Variants in CNOT6 observed in about 807,000 individuals in gnomAD.
CNOT6 encodes the protein carbon catabolite repression 4 protein.
A neutral mutation model predicts 61.2 loss-of-function variants in CNOT6; 12 were observed. That is an observed-to-expected ratio of 0.20 (90% CI 0.13 to 0.32). CNOT6 has a LOEUF of 0.32. Ranked by LOEUF, CNOT6 falls within the 10% of genes least tolerant of loss-of-function variation. The probability of loss-of-function intolerance (pLI) is 1.00; values close to 1 mark genes in which losing one functional copy is unlikely to be tolerated. For missense variants in CNOT6, 405 were observed against 663.9 expected (o/e 0.61, Z 4.28); for synonymous variants, 225 against 240.6 (o/e 0.94, Z 0.60).
intron 8 of CNOT6, 57 bp from the exon 9 acceptor site, chr5:180,567,792 C>T: frequency 6.2e-7 from 1 of 1,612,146 alleles, no homozygotes; most frequent in Non-Finnish European, 8.5e-7. Flanking sequence ...TCCCACAAAG[C>T]TAACCTCTTG....
At chr5:180,511,832 G>A (rs1333682289) in intron 1 of CNOT6, among the ~76,000 whole-genome samples, 2 of 152,104 alleles carry the variant, frequency 1.3e-5, no homozygotes, top group African/African-American at 2.4e-5. Flanking sequence ...CTGTTGCCCA[G>A]GCTGGCCTTG....
Position 180,514,132 on chromosome 5 carries a change from C to T in CNOT6, c.-2-15143C>T, listed in dbSNP as rs1296228137. On this transcript the variant is annotated intron_variant, in intron 1 of 11. Transcript: ENST00000261951. ...TTTGAGCCACACCATATGGCTGAAACTTCTCGATTTTATAGTCAGAAGTCA... is the reference window on the plus strand; with the variant it reads ...TTTGAGCCACACCATATGGCTGAAATTTCTCGATTTTATAGTCAGAAGTCA... 9.2e-5 allele frequency among the ~76,000 whole-genome samples: 14 copies of T among 151,640 alleles called. No individual in the cohort carries two copies. The East Asian group carries it at 2.8e-3, about 30-fold the overall frequency.
chr5:180,517,346 C>T (rs571127065), intron 1 of CNOT6, among the ~76,000 whole-genome samples: 1 of 152,004 alleles, frequency 6.6e-6, no homozygotes, highest in Non-Finnish European at 1.5e-5. Context: ...CCAGGCTGAT[C>T]TTGAATTCGT....
intron 1 of CNOT6, among the ~76,000 whole-genome samples, chr5:180,522,287 T>G (rs569232524): frequency 6.6e-6 from 1 of 150,858 alleles, no homozygotes; most frequent in East Asian, 1.9e-4. Flanking sequence ...ATTTTTGTAT[T>G]TTTTTTTTGT....
At chr5:180,516,401 C>G (rs1315044836) in intron 1 of CNOT6, among the ~76,000 whole-genome samples, 1 of 151,968 alleles carries the variant, frequency 6.6e-6, no homozygotes, top group East Asian at 1.9e-4. Flanking sequence ...AGGATGGTCT[C>G]GATCTCCCAA....
At chr5:180,553,346 A>T in intron 3 of CNOT6, 40 bp from the exon 4 acceptor site, 1 of 1,390,796 alleles carries the variant, frequency 7.2e-7, no homozygotes, top group Non-Finnish European at 1.0e-6. Context: ...GTTAAAGGCT[A>T]ACATATTTTT....
chr5:180,541,803 G>C (rs1759062147), intron 2 of CNOT6, among the ~76,000 whole-genome samples: 1 of 150,048 alleles, frequency 6.7e-6, no homozygotes, highest in Admixed American at 6.7e-5. Flanking sequence ...ATGGAGTCTT[G>C]CTCTGTCCCC....
At chr5:180,553,246 G>C (rs970667407) in intron 3 of CNOT6, 140 bp from the exon 4 acceptor site, 10 of 329,680 alleles carry the variant, frequency 3.0e-5, no homozygotes, top group African/African-American at 1.9e-4. Flanking sequence ...TGTTATTTAA[G>C]AAACGCAGTA....
At chr5:180,538,430 A>C (rs1488713491) in intron 2 of CNOT6, among the ~76,000 whole-genome samples, 1 of 150,740 alleles carries the variant, frequency 6.6e-6, no homozygotes, top group Non-Finnish European at 1.5e-5. Context: ...TCACGCCTGT[A>C]ATCCTAGCAC....
At chr5:180,533,993 A>G (rs1289886115) in intron 2 of CNOT6, among the ~76,000 whole-genome samples, 1 of 152,106 alleles carries the variant, frequency 6.6e-6, no homozygotes, top group Non-Finnish European at 1.5e-5. Context: ...ACCTAAGCAT[A>G]CCCATAAAGG....
intron 4 of CNOT6, among the ~76,000 whole-genome samples, chr5:180,562,432 AT>A (rs1760233775): frequency 6.6e-6 from 1 of 152,170 alleles, no homozygotes; most frequent in African/African-American, 2.4e-5. Context: ...TGAAGAGCAG[AT>A]TAATTTTCAA....
At chr5:180,543,744 A>G (rs927765847) in intron 2 of CNOT6, among the ~76,000 whole-genome samples, 1 of 151,994 alleles carries the variant, frequency 6.6e-6, no homozygotes, top group Non-Finnish European at 1.5e-5. Flanking sequence ...TCAATATTGG[A>G]TATTAGTCTT....
intron 11 of CNOT6, among the ~76,000 whole-genome samples, chr5:180,573,532 G>A (rs900247944): frequency 1.3e-5 from 2 of 148,970 alleles, no homozygotes; most frequent in South Asian, 4.3e-4. Context: ...AGTGTTCCAG[G>A]CAGAATGGTG....
At chr5:180,507,509 G>C (rs1401349873) in intron 1 of CNOT6, among the ~76,000 whole-genome samples, 1 of 152,192 alleles carries the variant, frequency 6.6e-6, no homozygotes, top group East Asian at 1.9e-4. Flanking sequence ...GGCTGAGTTA[G>C]GAGAATCACT....
At chr5:180,560,024 C>G (rs574350697) in intron 4 of CNOT6, among the ~76,000 whole-genome samples, 1 of 151,550 alleles carries the variant, frequency 6.6e-6, no homozygotes, top group Non-Finnish European at 1.5e-5. Flanking sequence ...TCTCGGCTCA[C>G]TGCAAGTTCC....
intron 9 of CNOT6, 21 bp downstream of exon 9, chr5:180,568,024 G>A (rs776097350): frequency 2.0e-5 from 32 of 1,585,576 alleles, no homozygotes; most frequent in Admixed American, 7.0e-5. Context: ...TTCACTTCCT[G>A]TAAAATTGAC....
At chr5:180,532,021 A>G (rs34207595) in intron 2 of CNOT6, among the ~76,000 whole-genome samples, 3,587 of 152,294 alleles carry the variant, frequency 0.024, 59 homozygotes, top group Non-Finnish European at 0.033. Flanking sequence ...GATTTCTAGA[A>G]TGCTGGACTT....
intron 1 of CNOT6, among the ~76,000 whole-genome samples, chr5:180,507,378 T>G (rs1304800859): frequency 6.6e-6 from 1 of 152,192 alleles, no homozygotes; most frequent in African/African-American, 2.4e-5. Flanking sequence ...GGCGGGCAGA[T>G]CACCTAAGGT....
rs1177039620 is a variant in CNOT6 at position 180,557,271 on chromosome 5, A to T, written c.385+3800A>T. On this transcript the variant is annotated intron_variant, in intron 4 of 11. Coordinates refer to ENST00000261951, the MANE Select transcript of CNOT6 (RefSeq NM_001370472.1). ...CTCTAGGATAAATGTCCAGGAGTGC[A>T]GTTACTGGGTCATTTGAGGGTTGTA... Among the ~76,000 whole-genome samples, 5 of 152,330 alleles carry T rather than the reference A, an allele frequency of 3.3e-5. No homozygotes were observed. The East Asian group carries it at 9.6e-4, about 29-fold the overall frequency.
Sources: gnomAD v4.1 joint callset for allele counts (sites outside exome capture counted in the v4.1 genomes callset) on GRCh38, gnomAD v4.1.1 for gene constraint, MANE v1.5 for transcripts, NCBI Gene and HGNC (gene_info 2026-07-23, HGNC 2026-07-21) for gene names.